Variants in IL1RAPL1 observed in about 807,000 individuals in gnomAD.
IL1RAPL1 encodes interleukin-1 receptor accessory protein-like 1.
IL1RAPL1 carries 3 observed loss-of-function variants against 48.4 expected under a neutral mutation model. The ratio of observed to expected loss-of-function variants is 0.06; its 90% confidence interval spans 0.03 to 0.16. The LOEUF (loss-of-function observed/expected upper bound fraction) is 0.16. Ranked by LOEUF, IL1RAPL1 falls within the 10% of genes least tolerant of loss-of-function variation. The probability of loss-of-function intolerance (pLI) is 1.00; values close to 1 mark genes in which losing one functional copy is unlikely to be tolerated. For missense variants in IL1RAPL1, 349 were observed against 530.6 expected (o/e 0.66, Z 3.36); for synonymous variants, 185 against 187.7 (o/e 0.99, Z 0.12).
intron 6 of IL1RAPL1, among the ~76,000 whole-genome samples, chrX:29,766,962 G>A (rs1928930816): frequency 9.1e-6 from 1 of 109,550 alleles, no homozygotes; most frequent in Admixed American, 1.0e-4. Context: ...TTATGGTACT[G>A]TTATCTAATA....
intron 2 of IL1RAPL1, among the ~76,000 whole-genome samples, chrX:28,930,869 C>A (rs918925265): frequency 9.0e-6 from 1 of 110,806 alleles, no homozygotes; most frequent in African/African-American, 3.3e-5. Flanking sequence ...TCTCGATCTA[C>A]TGACCTCGTG....
At chrX:29,868,548 G>A (rs1299217503) in intron 6 of IL1RAPL1, among the ~76,000 whole-genome samples, 1 of 111,871 alleles carries the variant, frequency 8.9e-6, no homozygotes, top group Non-Finnish European at 1.9e-5. Flanking sequence ...CACATGGTTA[G>A]CACTCATTTG....
intron 2 of IL1RAPL1, among the ~76,000 whole-genome samples, chrX:29,080,373 C>G (rs911347430): frequency 1.4e-4 from 15 of 108,295 alleles, no homozygotes; most frequent in African/African-American, 5.1e-4. Context: ...AACAAGACCC[C>G]GTCTCAAATA....
At chrX:29,401,587 C>A (rs1933992779) in intron 5 of IL1RAPL1, among the ~76,000 whole-genome samples, 1 of 108,835 alleles carries the variant, frequency 9.2e-6, no homozygotes, top group Admixed American at 9.9e-5. Flanking sequence ...GTTTTCTGCA[C>A]ATCATTATCA....
At chrX:29,233,616 C>T (rs1328176320) in intron 2 of IL1RAPL1, among the ~76,000 whole-genome samples, 1 of 110,948 alleles carries the variant, frequency 9.0e-6, no homozygotes, top group Non-Finnish European at 1.9e-5. Flanking sequence ...TCTTGCCTCC[C>T]TGTTGTACAC....
intron 2 of IL1RAPL1, among the ~76,000 whole-genome samples, chrX:28,963,177 T>A (rs1303488949): frequency 1.8e-5 from 2 of 111,615 alleles, no homozygotes; most frequent in South Asian, 7.4e-4. Flanking sequence ...GCCTCAACGT[T>A]ATTTGACTTT....
chrX:29,349,723 C>T (rs1308700358), intron 3 of IL1RAPL1, among the ~76,000 whole-genome samples: 8 of 110,478 alleles, frequency 7.2e-5, no homozygotes, highest in East Asian at 2.9e-4. Context: ...AGAGCATTTG[C>T]GGTTCTGTCT....
intron 6 of IL1RAPL1, among the ~76,000 whole-genome samples, chrX:29,853,188 C>CT (rs199847073): frequency 1.1e-5 from 1 of 95,229 alleles, no homozygotes; most frequent in Non-Finnish European, 2.0e-5. Context: ...TCTATTATGG[C>CT]TTTAAAAAAA....
At chrX:29,569,346 A>G (rs113774121) in intron 5 of IL1RAPL1, among the ~76,000 whole-genome samples, 62 of 111,198 alleles carry the variant, frequency 5.6e-4, no homozygotes, top group Middle Eastern at 4.7e-3. Context: ...TATGGCTCCA[A>G]TCTCAGAGAG....
chrX:28,802,395 G>A (rs1411208796), intron 2 of IL1RAPL1, among the ~76,000 whole-genome samples: 6 of 112,324 alleles, frequency 5.3e-5, no homozygotes, highest in African/African-American at 1.9e-4. Flanking sequence ...GGCGATGACA[G>A]TGAATAACTT....
At chrX:29,329,743 G>A (rs1490376724) in intron 3 of IL1RAPL1, among the ~76,000 whole-genome samples, 2 of 108,265 alleles carry the variant, frequency 1.8e-5, no homozygotes, top group Non-Finnish European at 3.8e-5. Flanking sequence ...AACCCAGGAG[G>A]CGAAGGTTGC....
chrX:28,935,636 T>G (rs908429704), intron 2 of IL1RAPL1, among the ~76,000 whole-genome samples: 3 of 111,876 alleles, frequency 2.7e-5, no homozygotes, highest in Non-Finnish European at 5.6e-5. Context: ...CAGGAATTAT[T>G]GGCTCTTGTA....
chrX:29,654,994 A>C (rs1002958477), intron 5 of IL1RAPL1, among the ~76,000 whole-genome samples: 7 of 111,812 alleles, frequency 6.3e-5, no homozygotes, highest in Non-Finnish European at 1.1e-4. Context: ...TTTTGGTTAC[A>C]GCATTAAAGG....
intron 6 of IL1RAPL1, among the ~76,000 whole-genome samples, chrX:29,817,015 C>G (rs1485995312): frequency 1.8e-5 from 2 of 109,601 alleles, no homozygotes; most frequent in African/African-American, 3.3e-5. Context: ...GCTCTCTCTC[C>G]TTTAGCTCTA....
At chrX:28,840,354 C>T (rs972880755) in intron 2 of IL1RAPL1, among the ~76,000 whole-genome samples, 11 of 110,248 alleles carry the variant, frequency 1.0e-4, no homozygotes, top group African/African-American at 3.6e-4. Flanking sequence ...TTTTTTAACA[C>T]TAAAACTTTA....
At chrX:29,005,602 A>T (rs1353020887) in intron 2 of IL1RAPL1, among the ~76,000 whole-genome samples, 1 of 111,858 alleles carries the variant, frequency 8.9e-6, no homozygotes, top group African/African-American at 3.3e-5. Context: ...TGCCACTTTT[A>T]AAACCTATTG....
At chrX:28,896,563 T>A (rs1170635956) in intron 2 of IL1RAPL1, among the ~76,000 whole-genome samples, 1 of 110,990 alleles carries the variant, frequency 9.0e-6, no homozygotes, top group Non-Finnish European at 1.9e-5. Flanking sequence ...AGGGCTAGTC[T>A]CGGAACAAAA....
intron 1 of IL1RAPL1, among the ~76,000 whole-genome samples, chrX:28,721,945 C>T (rs1182535900): frequency 9.0e-5 from 10 of 111,035 alleles, no homozygotes; most frequent in Non-Finnish European, 1.7e-4. Flanking sequence ...TTCTGTTCCA[C>T]TGGTCTGTAT....
intron 5 of IL1RAPL1, among the ~76,000 whole-genome samples, chrX:29,456,861 G>A (rs775918757): frequency 2.7e-5 from 3 of 111,602 alleles, no homozygotes; most frequent in African/African-American, 9.7e-5. Context: ...AAGCTGGTAC[G>A]GTAGCTTACT....
Sources: gnomAD v4.1 joint callset for allele counts (sites outside exome capture counted in the v4.1 genomes callset) on GRCh38, gnomAD v4.1.1 for gene constraint, MANE v1.5 for transcripts, NCBI Gene and HGNC (gene_info 2026-07-23, HGNC 2026-07-21) for gene names.